The following CFAP61 variants were observed in gnomAD, a reference collection of about 807,000 sequenced individuals.
The protein encoded by CFAP61 is cilia and flagella associated protein 61.
CFAP61 carries 107 observed loss-of-function variants against 135.6 expected under a neutral mutation model. The observed-to-expected ratio is 0.79, with a 90% CI of 0.67 to 0.93. CFAP61 has a LOEUF of 0.93. CFAP61 is among the 40% of genes least tolerant of loss of function. The pLI is 0.00. For synonymous variants in CFAP61, 575 were observed against 578.5 expected, an observed-to-expected ratio of 0.99 and a Z score of 0.09; for missense variants, 1,507 against 1,556.2, an observed-to-expected ratio of 0.97 and a Z score of 0.53.
Position 20,360,558 on chromosome 20 carries a change from G to T in CFAP61, c.*148G>T. On this transcript the variant is annotated 3_prime_UTR_variant, in exon 27 of 27. Coordinates refer to ENST00000245957, the MANE Select transcript of CFAP61 (RefSeq NM_015585.4). ...TCATTCCTTTCCTTCCCTGACTTATGCCTGTAGTTTTCTATCATCCCAGTA... is the reference window on the plus strand; with the variant it reads ...TCATTCCTTTCCTTCCCTGACTTATTCCTGTAGTTTTCTATCATCCCAGTA... 1.5e-6 allele frequency: 1 copy of T among 661,748 alleles called. No individual in the cohort carries two copies. 41.0% of individuals were successfully genotyped at this position (661,748 alleles called of 1,614,324 possible). A position where few individuals can be genotyped will look rare whatever the true frequency, so the allele number is the denominator to read the frequency against.
At chr20:20,296,456 GCCTTCCTT>G (rs1303117353) in intron 24 of CFAP61, among the ~76,000 whole-genome samples, 1 of 84,560 alleles carries the variant, frequency 1.2e-5, no homozygotes, top group Non-Finnish European at 2.3e-5. Context: ...CCTCCTTCCT[GCCTTCCTT>G]CCTTCCTTTC....
intron 25 of CFAP61, among the ~76,000 whole-genome samples, chr20:20,336,334 A>G (rs2058190731): frequency 6.6e-6 from 1 of 152,168 alleles, no homozygotes; most frequent in South Asian, 2.1e-4. Context: ...TTTTTTAAAG[A>G]CAAATCAATG....
At chr20:20,162,524 T>G (rs2053488326) in intron 10 of CFAP61, among the ~76,000 whole-genome samples, 1 of 151,810 alleles carries the variant, frequency 6.6e-6, no homozygotes. Flanking sequence ...GTCTGTGGAG[T>G]TTTGCCTCTC....
intron 25 of CFAP61, among the ~76,000 whole-genome samples, chr20:20,320,995 T>G (rs1217153442): frequency 6.6e-6 from 1 of 151,450 alleles, no homozygotes; most frequent in East Asian, 1.9e-4. Flanking sequence ...TTGAAAAAAA[T>G]TATACTAGAT....
chr20:20,238,310 T>C (rs1032221304), intron 18 of CFAP61, among the ~76,000 whole-genome samples: 6 of 152,242 alleles, frequency 3.9e-5, no homozygotes, highest in Admixed American at 3.3e-4. Context: ...ATCTGAGTTA[T>C]TTTTTAACTA....
At chr20:20,118,261 CTTT>C (rs2049308598) in intron 8 of CFAP61, among the ~76,000 whole-genome samples, 1 of 59,152 alleles carries the variant, frequency 1.7e-5, no homozygotes, top group Non-Finnish European at 4.7e-5. Context: ...ATGTTTCTTT[CTTT>C]CTTTCTTTCT....
At chr20:20,140,918 TC>T (rs1173166378) in intron 8 of CFAP61, among the ~76,000 whole-genome samples, 2 of 140,260 alleles carry the variant, frequency 1.4e-5, no homozygotes, top group Admixed American at 1.4e-4. Context: ...TCTTTTTTTT[TC>T]CTTTTTTTTT....
chr20:20,237,184 C>T (rs2146961826), intron 18 of CFAP61, among the ~76,000 whole-genome samples: 1 of 152,282 alleles, frequency 6.6e-6, no homozygotes, highest in African/African-American at 2.4e-5. Flanking sequence ...AGCCCCTTAT[C>T]CTGGCCACCA....
chr20:20,200,299 G>A (rs2056545758), intron 17 of CFAP61, among the ~76,000 whole-genome samples: 1 of 152,176 alleles, frequency 6.6e-6, no homozygotes, highest in Non-Finnish European at 1.5e-5. Flanking sequence ...AAAGCTGACA[G>A]AGAAAACAGA....
chr20:20,217,218 G>A (rs898677027), intron 17 of CFAP61, among the ~76,000 whole-genome samples: 1 of 152,200 alleles, frequency 6.6e-6, no homozygotes, highest in African/African-American at 2.4e-5. Flanking sequence ...GCCTTTTGGT[G>A]TACAGAATTT....
chr20:20,163,756 T>C (rs1277428251), intron 10 of CFAP61, among the ~76,000 whole-genome samples: 1 of 152,112 alleles, frequency 6.6e-6, no homozygotes, highest in African/African-American at 2.4e-5. Context: ...TTTGTCTTAA[T>C]GCTCTCCCTC....
chr20:20,118,327 T>C (rs2049336679), intron 8 of CFAP61, among the ~76,000 whole-genome samples: 1 of 147,988 alleles, frequency 6.8e-6, no homozygotes, highest in African/African-American at 2.5e-5. Flanking sequence ...TCTGTCTCTC[T>C]CTCTGTCTTT....
chr20:20,314,530 A>AT (rs1175393716), intron 25 of CFAP61, among the ~76,000 whole-genome samples: 1 of 142,378 alleles, frequency 7.0e-6, no homozygotes, highest in African/African-American at 2.7e-5. Flanking sequence ...TATTATTATT[A>AT]TTTATTTTTT....
chr20:20,318,370 G>A (rs568520224), intron 25 of CFAP61, among the ~76,000 whole-genome samples: 3 of 152,328 alleles, frequency 2.0e-5, no homozygotes, highest in African/African-American at 7.2e-5. Flanking sequence ...ATTGGATAAA[G>A]CATTTTTAAA....
At chr20:20,348,797 T>TAAAA (rs36120926) in intron 26 of CFAP61, among the ~76,000 whole-genome samples, 2 of 127,168 alleles carry the variant, frequency 1.6e-5, no homozygotes, top group African/African-American at 3.1e-5. Flanking sequence ...GTAAAAACAC[T>TAAAA]AAAAAAAAAA....
chr20:20,080,004 A>C (rs977284016), intron 6 of CFAP61, among the ~76,000 whole-genome samples: 19 of 152,178 alleles, frequency 1.2e-4, no homozygotes, highest in Non-Finnish European at 5.9e-5. Flanking sequence ...GAATCTCCAC[A>C]AATTAATTAC....
At chr20:20,285,188 T>C (rs916435265) in intron 22 of CFAP61, among the ~76,000 whole-genome samples, 2 of 152,192 alleles carry the variant, frequency 1.3e-5, no homozygotes, top group Admixed American at 6.5e-5. Context: ...TCATTTTCCA[T>C]TGGCTGCTTT....
intron 2 of CFAP61, among the ~76,000 whole-genome samples, chr20:20,065,616 G>GAA (rs11445024): frequency 0.014 from 1,974 of 136,238 alleles, 42 homozygotes; most frequent in Admixed American, 0.038. Flanking sequence ...TAGACATTTT[G>GAA]AAAAAAAAAA....
chr20:20,300,710 A>C (rs939981394), intron 25 of CFAP61, among the ~76,000 whole-genome samples: 1 of 151,732 alleles, frequency 6.6e-6, no homozygotes, highest in African/African-American at 2.4e-5. Context: ...GGTTCAAGCA[A>C]TTCTCCTACC....
Sources: gnomAD v4.1 joint callset for allele counts (sites outside exome capture counted in the v4.1 genomes callset) on GRCh38, gnomAD v4.1.1 for gene constraint, MANE v1.5 for transcripts, NCBI Gene and HGNC (gene_info 2026-07-23, HGNC 2026-07-21) for gene names.